Variants in FCRL3 observed in about 807,000 individuals in gnomAD.
FCRL3 encodes the protein Fc receptor-like protein 3.
FCRL3 carries 89 observed loss-of-function variants against 75.0 expected under a neutral mutation model. That is an observed-to-expected ratio of 1.19 (90% CI 1.00 to 1.42). The LOEUF is 1.42. Among genes scored for constraint, FCRL3 ranks in the 40% most tolerant of loss-of-function variants. FCRL3 has a pLI of 0.00. For synonymous variants in FCRL3, 376 were observed against 348.5 expected (o/e 1.08, Z -0.88); for missense variants, 946 against 880.0 (o/e 1.07, Z -0.95).
chr1:157,696,500 C>A, intron 6 of FCRL3, 173 bp from the exon 7 acceptor site: 1 of 623,370 alleles, frequency 1.6e-6, no homozygotes, highest in Non-Finnish European at 2.8e-6. Context: ...CAACATCCCT[C>A]TCACTCCCAC....
At chr1:157,695,728 T>A in intron 7 of FCRL3, 121 bp from the exon 8 acceptor site, 1 of 1,185,696 alleles carries the variant, frequency 8.4e-7, no homozygotes, top group South Asian at 1.7e-5. Context: ...TCCCCACTGA[T>A]CACATTTTTC....
chr1:157,678,752 G>A lies in FCRL3; in HGVS notation c.2163C>T (p.Asn721=). 1 of 1,614,080 alleles carries A rather than the reference G, an allele frequency of 6.2e-7. No homozygotes were observed. Among genetic ancestry groups the A allele is most frequent in the Non-Finnish European group, 8.5e-7 (1 of 1,180,012 alleles). The change falls in exon 15 of 15, where the codon AAC becomes AAT. Residue 721 remains asparagine (N), a synonymous_variant. Transcript: ENST00000368184. The stretch of plus-strand genomic sequence containing the variant: ...GTAATACACGTGGTACATTCTCATA[G>A]TTTTCTTCATCATCTTCTTCATGGG... ...GRAHEEDDEE[N]YENVPRVLLA... is the part of the protein sequence containing the mutation.
rs1226533289 is a variant in FCRL3, at chr1:157,700,720, C to T, written c.-155G>A. Reference sequence around the variant, plus strand: ...AGTGATACATTTTTAGAAGTTGGGGCTCATCTTCCATCAGCTGCAGTCTCT... The same window carrying T: ...AGTGATACATTTTTAGAAGTTGGGGTTCATCTTCCATCAGCTGCAGTCTCT... On this transcript the variant is annotated 5_prime_UTR_variant, in exon 1 of 15. Transcript: ENST00000368184. The T allele has an allele frequency of 4.2e-6, 6 of 1,415,780 alleles. No homozygotes were observed. The highest frequency in any genetic ancestry group is 4.9e-4 in the Middle Eastern group (2 of 4,070). 87.7% of individuals were successfully genotyped at this position (1,415,780 alleles called of 1,614,324 possible).
chr1:157,676,738 C>A lies in FCRL3; in HGVS notation c.*1972G>T. ...TAAGTGTTACAAAGACATGGAAAAT[C>A]TTGAACTTTGTTCTTTCTTGGGTTC... On this transcript the variant is annotated 3_prime_UTR_variant, in exon 15 of 15. Transcript: ENST00000368184. The A allele has an allele frequency of 1.3e-6, 2 of 1,550,422 alleles. No homozygotes were observed. Among genetic ancestry groups the A allele is most frequent in the South Asian group, 1.2e-5 (1 of 84,054 alleles).
chr1:157,687,520 G>A (rs1373820905), intron 10 of FCRL3, among the ~76,000 whole-genome samples: 1 of 143,134 alleles, frequency 7.0e-6, no homozygotes, highest in Non-Finnish European at 1.5e-5. Flanking sequence ...CAATAGCAAA[G>A]ATATGGTATC....
At position 157,698,634 on chromosome 1, in the gene FCRL3, A is replaced by G. The variant is rs1462950374; in HGVS notation, c.53-5T>C. 2.5e-6 allele frequency: 4 copies of G among 1,613,836 alleles called. No individual in the cohort carries two copies. The highest frequency in any genetic ancestry group is 3.4e-6 in the Non-Finnish European group (4 of 1,179,814). ...GTACAGCTTTTGGGGCCACCCCTAA[A>G]CAGGAAATAGAAAGATGAAGGCAGG... is the stretch of plus-strand genomic sequence containing the variant. On this transcript the variant is annotated splice_region_variant and splice_polypyrimidine_tract_variant and intron_variant, in intron 3 of 14. Coordinates refer to ENST00000368184, the MANE Select transcript of FCRL3 (RefSeq NM_052939.4).
intron 2 of FCRL3, 118 bp from the exon 3 acceptor site, chr1:157,699,830 A>G: frequency 9.1e-7 from 1 of 1,104,500 alleles, no homozygotes; most frequent in South Asian, 1.4e-5. Context: ...TATATCATCC[A>G]GAGCCCCTAA....
chr1:157,682,074 A>G (rs1458853264), intron 11 of FCRL3, among the ~76,000 whole-genome samples: 1 of 152,008 alleles, frequency 6.6e-6, no homozygotes, highest in Non-Finnish European at 1.5e-5. Context: ...TCCTTTGCCC[A>G]CTTTTTGATG....
At chr1:157,698,937 G>A (rs888510318) in intron 3 of FCRL3, among the ~76,000 whole-genome samples, 9 of 152,216 alleles carry the variant, frequency 5.9e-5, no homozygotes, top group African/African-American at 2.2e-4. Context: ...GAATGTGGCT[G>A]ATCCTGAAAT....
chr1:157,693,906 C>T (rs1343568810), intron 8 of FCRL3, among the ~76,000 whole-genome samples: 2 of 152,096 alleles, frequency 1.3e-5, no homozygotes, highest in Non-Finnish European at 1.5e-5. Context: ...TGCCACCATG[C>T]CCAACTGAAT....
intron 13 of FCRL3, 102 bp from the exon 14 acceptor site, chr1:157,679,075 T>C (rs1654651952): frequency 1.5e-6 from 2 of 1,310,066 alleles, no homozygotes; most frequent in East Asian, 4.8e-5. Flanking sequence ...CTTGATTTGC[T>C]TGATCTCTTG....
chr1:157,698,349 G>C, intron 4 of FCRL3, 35 bp downstream of exon 4: 2 of 1,611,878 alleles, frequency 1.2e-6, no homozygotes. Flanking sequence ...TCTGCCTGGT[G>C]GCTTGACTTT....
chr1:157,679,036 G>A lies in FCRL3; in HGVS notation c.2027-63C>T, dbSNP rs6694765. On this transcript the variant is annotated intron_variant, in intron 13 of 14. Coordinates refer to ENST00000368184, the MANE Select transcript of FCRL3 (RefSeq NM_052939.4). ...TGGGCAATATATTCCAACTTACAAC[G>A]TACGCACACTGCATTCCAAACCAAT... 56 of 1,543,844 alleles carry A rather than the reference G, an allele frequency of 3.6e-5. No homozygotes were observed. The Admixed American group carries it at 5.5e-4, about 15-fold the overall frequency.
At chr1:157,696,372 C>A in intron 6 of FCRL3, 45 bp from the exon 7 acceptor site, 1 of 1,602,914 alleles carries the variant, frequency 6.2e-7, no homozygotes. Context: ...ATGGCAGGGA[C>A]ATCAAGGTCA....
intron 13 of FCRL3, among the ~76,000 whole-genome samples, chr1:157,680,099 T>C (rs553678502): frequency 4.5e-4 from 68 of 152,158 alleles, no homozygotes; most frequent in Non-Finnish European, 9.3e-4. Context: ...GGTCACCAAG[T>C]AGACTAGAGG....
At chr1:157,690,861 G>T (rs140676365) in intron 8 of FCRL3, among the ~76,000 whole-genome samples, 1 of 152,004 alleles carries the variant, frequency 6.6e-6, no homozygotes, top group Non-Finnish European at 1.5e-5. Flanking sequence ...TAAAATCAAG[G>T]TTTCTAAAAT....
intron 2 of FCRL3, 107 bp downstream of exon 2, chr1:157,700,352 A>G (rs962848526): frequency 1.9e-6 from 3 of 1,540,152 alleles, no homozygotes; most frequent in Admixed American, 3.6e-5. Flanking sequence ...ATCCCTTGCT[A>G]TCTGTCTCTG....
rs12045308 is a variant in FCRL3, at chr1:157,676,697, C to T, written c.*2013G>A. On this transcript the variant is annotated 3_prime_UTR_variant, in exon 15 of 15. Coordinates refer to ENST00000368184, the MANE Select transcript of FCRL3 (RefSeq NM_052939.4). ...TCACCCCTTCTTCCACTCACATACT[C>T]TGATTTGCACAGGGCTAAGTGTTAC... 1.7e-5 allele frequency: 27 copies of T among 1,549,690 alleles called. No individual in the cohort carries two copies. The highest frequency in any genetic ancestry group is 2.4e-5 in the Non-Finnish European group (27 of 1,146,350).
chr1:157,698,404 A>C lies in FCRL3; in HGVS notation c.278T>G (p.Val93Gly), dbSNP rs79895668. Reference protein sequence around the residue: ...KTRGSSLSDAVHVEFSPDWLI... With the variant: ...KTRGSSLSDAGHVEFSPDWLI... ...CTCACCAGGTGAAAATTCCACATGC[A>C]CGGCATCACTGAGGGAGGATCCTCG... Residue 93 changes from valine to glycine, a missense_variant, in exon 4 of 15, where the codon GTG becomes GGG. Coordinates refer to ENST00000368184, the MANE Select transcript of FCRL3 (RefSeq NM_052939.4). 3,467 of 1,614,146 alleles carry C rather than the reference A, an allele frequency of 2.1e-3. 130 individuals carry two copies. The East Asian group carries it at 0.064, about 30-fold the overall frequency.
Sources: gnomAD v4.1 joint callset for allele counts (sites outside exome capture counted in the v4.1 genomes callset) on GRCh38, gnomAD v4.1.1 for gene constraint, MANE v1.5 for transcripts, NCBI Gene and HGNC (gene_info 2026-07-23, HGNC 2026-07-21) for gene names.